Variants in POU2AF2 observed in about 807,000 individuals in gnomAD.
POU2AF2 encodes the protein POU class 2 homeobox associating factor 2, also known as POU domain class 2-associating factor 2.
At chr11:111,275,234 A>T in the POU2AF2 span, among the ~76,000 whole-genome samples, 1 of 152,214 alleles carries the variant, frequency 6.6e-6, no homozygotes, top group Non-Finnish European at 1.5e-5. Context: ...CTCTCCCACA[A>T]CAAAACTGGA....
At chr11:111,259,001 G>T in the POU2AF2 span, among the ~76,000 whole-genome samples, 1 of 152,022 alleles carries the variant, frequency 6.6e-6, no homozygotes, top group African/African-American at 2.4e-5. Flanking sequence ...CAAATAACCT[G>T]GTGAAAAGAA....
chr11:111,256,154 A>G, the POU2AF2 span: 11 of 398,696 alleles, frequency 2.8e-5, no homozygotes, highest in Middle Eastern at 6.2e-4. Flanking sequence ...CCCTTTATCC[A>G]CACACCAATC....
At chr11:111,248,071 G>A in the POU2AF2 span, among the ~76,000 whole-genome samples, 2 of 151,530 alleles carry the variant, frequency 1.3e-5, no homozygotes, top group South Asian at 4.2e-4. Context: ...TTTTTTTAGT[G>A]GAGACAGGGT....
chr11:111,280,080 A>ATATATATATC, the POU2AF2 span, among the ~76,000 whole-genome samples: 1 of 123,784 alleles, frequency 8.1e-6, no homozygotes, highest in Non-Finnish European at 1.7e-5. Context: ...ATATATATAT[A>ATATATATATC]TCTTTTGGAG....
the POU2AF2 span, among the ~76,000 whole-genome samples, chr11:111,261,162 T>G: frequency 6.6e-6 from 1 of 152,134 alleles, no homozygotes; most frequent in East Asian, 1.9e-4. Flanking sequence ...TGGTTTTTCT[T>G]TTTTCTTTCT....
the POU2AF2 span, among the ~76,000 whole-genome samples, chr11:111,257,774 T>C: frequency 6.6e-6 from 1 of 152,238 alleles, no homozygotes; most frequent in Non-Finnish European, 1.5e-5. Context: ...CTGCTCCTAG[T>C]TCAGTGCTTC....
chr11:111,276,453 A>AAAATATAT, the POU2AF2 span, among the ~76,000 whole-genome samples: 169 of 37,540 alleles, frequency 4.5e-3, 1 homozygote, highest in East Asian at 0.02. Context: ...AAAAAAAAAA[A>AAAATATAT]ATATATATAT....
At chr11:111,279,140 T>G in the POU2AF2 span, among the ~76,000 whole-genome samples, 1 of 152,168 alleles carries the variant, frequency 6.6e-6, no homozygotes, top group Admixed American at 6.5e-5. Context: ...TTGCGTATTT[T>G]AAGACTCTAC....
At chr11:111,263,620 A>T in the POU2AF2 span, among the ~76,000 whole-genome samples, 1 of 151,846 alleles carries the variant, frequency 6.6e-6, no homozygotes, top group Non-Finnish European at 1.5e-5. Flanking sequence ...TTTAGTAGAG[A>T]CAGGGTTTCA....
the POU2AF2 span, among the ~76,000 whole-genome samples, chr11:111,247,751 C>A: frequency 6.6e-6 from 1 of 151,950 alleles, no homozygotes; most frequent in Non-Finnish European, 1.5e-5. Context: ...CGTGCCACTG[C>A]ACTCCAGCCT....
At chr11:111,269,887 A>G in the POU2AF2 span, among the ~76,000 whole-genome samples, 1 of 152,240 alleles carries the variant, frequency 6.6e-6, no homozygotes, top group African/African-American at 2.4e-5. Context: ...TTCTGCAACC[A>G]TCTGAGCTTT....
At chr11:111,285,140 A>C in the POU2AF2 span, among the ~76,000 whole-genome samples, 2 of 152,324 alleles carry the variant, frequency 1.3e-5, no homozygotes, top group East Asian at 3.9e-4. Context: ...GAATGAATCC[A>C]AATCTTTCTA....
At chr11:111,257,820 A>AT in the POU2AF2 span, among the ~76,000 whole-genome samples, 3 of 152,188 alleles carry the variant, frequency 2.0e-5, no homozygotes, top group Non-Finnish European at 4.4e-5. Flanking sequence ...GGGGTGTGTG[A>AT]TAAAAATATC....
At chr11:111,255,024 G>T in the POU2AF2 span, among the ~76,000 whole-genome samples, 5 of 152,210 alleles carry the variant, frequency 3.3e-5, no homozygotes, top group Admixed American at 3.3e-4. Flanking sequence ...CAAACAAAAG[G>T]TTCTCTTATT....
chr11:111,257,587 G>C, the POU2AF2 span, among the ~76,000 whole-genome samples: 1 of 151,938 alleles, frequency 6.6e-6, no homozygotes, highest in Non-Finnish European at 1.5e-5. Flanking sequence ...TGTTGGCCAG[G>C]CTGGTATCAA....
At chr11:111,276,750 GAA>G in the POU2AF2 span, among the ~76,000 whole-genome samples, 38,531 of 132,782 alleles carry the variant, frequency 0.29, 5,311 homozygotes, top group Admixed American at 0.36. Flanking sequence ...AAAGTGCTAA[GAA>G]AAAAAAAAAA....
At chr11:111,282,936 G>T in the POU2AF2 span, among the ~76,000 whole-genome samples, 2 of 152,072 alleles carry the variant, frequency 1.3e-5, no homozygotes, top group Non-Finnish European at 2.9e-5. Context: ...TGAGCTACGG[G>T]GTCAGAAAGT....
At chr11:111,267,453 A>G in the POU2AF2 span, among the ~76,000 whole-genome samples, 1 of 152,028 alleles carries the variant, frequency 6.6e-6, no homozygotes, top group Non-Finnish European at 1.5e-5. Context: ...GCCTACTCAC[A>G]TGACCCATTT....
chr11:111,246,927 A>T, the POU2AF2 span, among the ~76,000 whole-genome samples: 1 of 152,214 alleles, frequency 6.6e-6, no homozygotes, highest in South Asian at 2.1e-4. Flanking sequence ...CATCCTACAC[A>T]CTGGCTACTT....
Sources: gnomAD v4.1 joint callset for allele counts (sites outside exome capture counted in the v4.1 genomes callset) on GRCh38, gnomAD v4.1.1 for gene constraint, MANE v1.5 for transcripts, NCBI Gene and HGNC (gene_info 2026-07-23, HGNC 2026-07-21) for gene names.